Variants in STXBP5 observed in about 807,000 individuals in gnomAD.
The protein encoded by STXBP5 is syntaxin-binding protein 5.
STXBP5 carries 50 observed loss-of-function variants against 152.4 expected under a neutral mutation model. The ratio of observed to expected loss-of-function variants is 0.33; its 90% CI spans 0.26 to 0.42. The LOEUF is 0.42. Among genes scored for constraint, STXBP5 ranks in the 10% least tolerant of loss-of-function variants. The pLI, the probability that STXBP5 is intolerant of heterozygous loss-of-function variation, is 1.00. For synonymous variants in STXBP5, 492 were observed against 494.7 expected, an observed-to-expected ratio of 0.99 and a Z score of 0.07; for missense variants, 1,167 against 1,388.6, an observed-to-expected ratio of 0.84 and a Z score of 2.54.
chr6:147,337,206 C>CACACACACACACACAG (rs1324346956), intron 19 of STXBP5, among the ~76,000 whole-genome samples: 3 of 146,050 alleles, frequency 2.1e-5, no homozygotes, highest in Admixed American at 7.0e-5. Flanking sequence ...CACACACACA[C>CACACACACACACACAG]ACACACACAA....
At chr6:147,238,973 G>T (rs527698422) in intron 3 of STXBP5, among the ~76,000 whole-genome samples, 197 bp from the exon 4 acceptor site, 10 of 152,076 alleles carry the variant, frequency 6.6e-5, no homozygotes, top group Non-Finnish European at 1.3e-4. Context: ...AGAAGTTAAC[G>T]TATTTACATG....
intron 4 of STXBP5, among the ~76,000 whole-genome samples, chr6:147,247,513 T>C (rs1436897071): frequency 6.6e-6 from 1 of 152,080 alleles, no homozygotes; most frequent in African/African-American, 2.4e-5. Context: ...AAAAGAAAAA[T>C]TCTCTTAATA....
intron 2 of STXBP5, among the ~76,000 whole-genome samples, chr6:147,207,818 C>G (rs919241755): frequency 6.6e-6 from 1 of 152,114 alleles, no homozygotes; most frequent in African/African-American, 2.4e-5. Context: ...TCTCGACATT[C>G]TTTTGGTAAA....
intron 2 of STXBP5, among the ~76,000 whole-genome samples, chr6:147,209,955 C>T (rs75728639): frequency 0.017 from 2,646 of 152,186 alleles, 62 homozygotes; most frequent in African/African-American, 0.06. Context: ...GCAATTTTAA[C>T]CTGAGGTATC....
At chr6:147,211,615 G>A (rs1323720674) in intron 2 of STXBP5, among the ~76,000 whole-genome samples, 1 of 152,108 alleles carries the variant, frequency 6.6e-6, no homozygotes, top group East Asian at 1.9e-4. Flanking sequence ...TTTTGAGTCG[G>A]GGTCTTACTC....
intron 4 of STXBP5, among the ~76,000 whole-genome samples, chr6:147,248,334 G>A (rs546120002): frequency 6.6e-6 from 1 of 151,504 alleles, no homozygotes; most frequent in South Asian, 2.1e-4. Flanking sequence ...TAAACAGAAT[G>A]AGCTTTTTAT....
Position 147,310,133 on chromosome 6 carries a change from A to G in STXBP5, c.967A>G (p.Arg323Gly). The G allele has an allele frequency of 3.1e-6, 5 of 1,601,718 alleles. No individual in the cohort carries two copies. Among genetic ancestry groups the G allele is most frequent in the Non-Finnish European group, 4.3e-6 (5 of 1,176,418 alleles). ...AGGTTTGTCATATGATACTGTAGGA[A>G]GAAGACCTTGCTTAACAGTGATGCA... ...SGGLSYDTVG[R>G]RPCLTVMHGK... Residue 323 changes from arginine (R) to glycine (G), a missense_variant, in exon 10 of 28, where the codon AGA becomes GGA. Physicochemically the swap from Arg to Gly is moderately radical, Grantham distance 125 (BLOSUM62 -2). Around this residue, in one of 3 missense-constraint regions of STXBP5, gnomAD observed 24 missense variants for 56.2 expected, o/e 0.43. Transcript: ENST00000321680.
rs562468171 is a variant in STXBP5, at chr6:147,367,570, G to A, written c.3081+3404G>A. On this transcript the variant is annotated intron_variant, in intron 25 of 27. Coordinates refer to ENST00000321680, the MANE Select transcript of STXBP5 (RefSeq NM_001127715.4). Reference sequence around the variant, plus strand: ...GGAGAATCGCTTGAACCCGGGAGGCGGAGCTTGCAGTGAGCTGAGATCACG... The same window carrying A: ...GGAGAATCGCTTGAACCCGGGAGGCAGAGCTTGCAGTGAGCTGAGATCACG... Among the ~76,000 whole-genome samples, 8 of 152,128 alleles carry A rather than the reference G, an allele frequency of 5.3e-5. No homozygotes were observed. The East Asian group carries it at 5.8e-4, about 11-fold the overall frequency.
At chr6:147,206,121 T>A in intron 2 of STXBP5, 53 bp downstream of exon 2, 1 of 1,491,878 alleles carries the variant, frequency 6.7e-7, no homozygotes, top group Non-Finnish European at 9.3e-7. Flanking sequence ...TCCCCAGTCC[T>A]TCTGTGTTGC....
At chr6:147,340,183 TTCAG>T (rs1425082743) in intron 21 of STXBP5, among the ~76,000 whole-genome samples, 1 of 152,068 alleles carries the variant, frequency 6.6e-6, no homozygotes, top group Admixed American at 6.6e-5. Context: ...ATTCTTTGAA[TTCAG>T]TCAAATTAGA....
chr6:147,254,146 A>G (rs1011400434), intron 4 of STXBP5, among the ~76,000 whole-genome samples: 5 of 152,128 alleles, frequency 3.3e-5, no homozygotes, highest in African/African-American at 7.2e-5. Context: ...CCACACATCT[A>G]CAATCATCTG....
intron 3 of STXBP5, among the ~76,000 whole-genome samples, chr6:147,235,823 A>G (rs1478771778): frequency 6.6e-6 from 1 of 152,168 alleles, no homozygotes; most frequent in Non-Finnish European, 1.5e-5. Flanking sequence ...TTTTGAAAGT[A>G]TAGAAGGAGC....
In STXBP5 at chr6:147,363,183, G is replaced by A. The variant is rs1277253096; in HGVS notation, c.2546-152G>A. On this transcript the variant is annotated intron_variant, in intron 23 of 27. Transcript: ENST00000321680. ...CTTTTTCCAGACTCATAAATACCACGCTTAAAGTCCGAATCCTGTCAATGA... is the reference window on the plus strand; with the variant it reads ...CTTTTTCCAGACTCATAAATACCACACTTAAAGTCCGAATCCTGTCAATGA... 12 of 763,464 alleles carry A rather than the reference G, an allele frequency of 1.6e-5. No homozygotes were observed. The Admixed American group carries it at 2.1e-4, about 13-fold the overall frequency. 47.3% of individuals were successfully genotyped at this position (763,464 alleles called of 1,614,324 possible). A position where few individuals can be genotyped will look rare whatever the true frequency, so the allele number is the denominator to read the frequency against.
intron 23 of STXBP5, among the ~76,000 whole-genome samples, chr6:147,361,138 AT>A (rs2128412601): frequency 6.6e-6 from 1 of 152,296 alleles, no homozygotes; most frequent in South Asian, 2.1e-4. Context: ...GAAAATCAAA[AT>A]GTTAACAGGA....
At chr6:147,314,182 TACAC>T (rs5880705) in intron 12 of STXBP5, 78 bp from the exon 13 acceptor site, 721 of 944,006 alleles carry the variant, frequency 7.6e-4, no homozygotes, top group East Asian at 3.0e-3. Flanking sequence ...CTGGATTATT[TACAC>T]ACACACACAC....
chr6:147,321,839 A>G (rs555834359), intron 16 of STXBP5, among the ~76,000 whole-genome samples: 2 of 152,332 alleles, frequency 1.3e-5, no homozygotes, highest in Non-Finnish European at 2.9e-5. Flanking sequence ...AACCATTTAG[A>G]ATAAAGCATA....
At chr6:147,209,742 G>C (rs1204188930) in intron 2 of STXBP5, among the ~76,000 whole-genome samples, 4 of 152,118 alleles carry the variant, frequency 2.6e-5, no homozygotes, top group African/African-American at 9.7e-5. Context: ...ATGTAAATTT[G>C]TTGCATTTGA....
intron 26 of STXBP5, among the ~76,000 whole-genome samples, chr6:147,377,385 GA>G (rs1435648578): frequency 6.6e-6 from 1 of 151,874 alleles, no homozygotes; most frequent in Non-Finnish European, 1.5e-5. Context: ...CAAAAAGTTA[GA>G]AAAACAGCAA....
chr6:147,318,339 C>CTT (rs201531077), intron 16 of STXBP5, among the ~76,000 whole-genome samples: 2 of 151,828 alleles, frequency 1.3e-5, no homozygotes, highest in African/African-American at 4.8e-5. Flanking sequence ...TTAGAAAGGC[C>CTT]TTTTTTTTCC....
Sources: gnomAD v4.1 joint callset for allele counts (sites outside exome capture counted in the v4.1 genomes callset) on GRCh38, gnomAD v4.1.1 for gene constraint, gnomAD v4.1.1 regional missense constraint, MANE v1.5 for transcripts, NCBI Gene and HGNC (gene_info 2026-07-23, HGNC 2026-07-21) for gene names.